LRRC7: variants seen among roughly 807,000 people sequenced by gnomAD.
LRRC7 encodes leucine-rich repeat-containing protein 7.
Under a neutral mutation model 175.7 loss-of-function variants are expected in LRRC7, and 23 were observed. The observed-to-expected ratio is 0.13, with a 90% CI of 0.09 to 0.19. The LOEUF (loss-of-function observed/expected upper bound fraction) is 0.19, where lower values mean the gene tolerates loss of function less well. Ranked by LOEUF, LRRC7 falls within the 10% of genes least tolerant of loss-of-function variation. The pLI is 1.00. For synonymous variants in LRRC7, 685 were observed against 680.9 expected, an observed-to-expected ratio of 1.01 and a Z score of -0.09; for missense variants, 1,354 against 1,904.7, an observed-to-expected ratio of 0.71 and a Z score of 5.38.
chr1:69,716,970 A>T (rs1665425542), intron 2 of LRRC7, among the ~76,000 whole-genome samples: 1 of 151,778 alleles, frequency 6.6e-6, no homozygotes, highest in Non-Finnish European at 1.5e-5. Flanking sequence ...AGCTAAAAGG[A>T]TTTTAGAAAG....
In LRRC7 at chr1:70,135,271, G is replaced by A. The variant is rs896590442; in HGVS notation, c.*13384G>A. 6.6e-6 allele frequency among the ~76,000 whole-genome samples: 1 copy of A among 152,106 alleles called. No homozygotes were observed. The highest frequency in any genetic ancestry group is 1.5e-5 in the Non-Finnish European group (1 of 68,024). On this transcript the variant is annotated 3_prime_UTR_variant, in exon 27 of 27. Transcript: ENST00000651989. The stretch of plus-strand genomic sequence containing the variant: ...TCCAGCCACTAGCATAGTTCCCCAG[G>A]AGCAGGCTATGATCATCTCCTCAAA...
intron 7 of LRRC7, among the ~76,000 whole-genome samples, chr1:69,890,974 A>T (rs1645815781): frequency 6.6e-6 from 1 of 152,198 alleles, no homozygotes; most frequent in Non-Finnish European, 1.5e-5. Flanking sequence ...GGCTGGTTTG[A>T]TCTTCTGTCC....
chr1:69,681,218 G>A (rs534610762), intron 2 of LRRC7, among the ~76,000 whole-genome samples: 76 of 132,232 alleles, frequency 5.7e-4, no homozygotes, highest in African/African-American at 2.0e-3. Flanking sequence ...TACAGATTCA[G>A]TATAGATCTA....
At position 70,075,513 on chromosome 1, in the gene LRRC7, GTT is replaced by G. The variant is rs537741695; in HGVS notation, c.4231-563_4231-562del. Among the ~76,000 whole-genome samples the G allele has an allele frequency of 3.5e-3, 536 of 152,292 alleles. 7 individuals are homozygous for G. Among genetic ancestry groups the G allele is most frequent in the African/African-American group, 0.012 (517 of 41,546 alleles). ...GCAGAGAGAGCTCATTTCGAAGACG[GTT>G]CCATAGCTAGTGCCCCCACAGGAAT... On this transcript the variant is annotated intron_variant, in intron 23 of 26. Coordinates refer to ENST00000651989, the MANE Select transcript of LRRC7 (RefSeq NM_001370785.2).
At chr1:70,057,346 CA>C (rs1211626409) in intron 23 of LRRC7, among the ~76,000 whole-genome samples, 3 of 152,122 alleles carry the variant, frequency 2.0e-5, no homozygotes, top group Non-Finnish European at 4.4e-5. Context: ...GCCTGGGCTG[CA>C]AAATTTACTG....
intron 3 of LRRC7, among the ~76,000 whole-genome samples, chr1:69,770,331 T>C (rs531046550): frequency 6.6e-6 from 1 of 152,232 alleles, no homozygotes; most frequent in African/African-American, 2.4e-5. Flanking sequence ...TAAGATGTAT[T>C]AGTTCAAGGC....
chr1:70,053,275 C>A, intron 23 of LRRC7, 130 bp downstream of exon 23: 1 of 823,862 alleles, frequency 1.2e-6, no homozygotes, highest in African/African-American at 1.8e-5. Flanking sequence ...TATGCTACTA[C>A]ACGAGTTTGG....
At chr1:69,776,944 A>G (rs1672881015) in intron 3 of LRRC7, among the ~76,000 whole-genome samples, 1 of 151,756 alleles carries the variant, frequency 6.6e-6, no homozygotes, top group South Asian at 2.1e-4. Context: ...CTATTTTTTG[A>G]GATTCTTTAT....
At chr1:70,077,809 G>GA (rs991360816) in intron 24 of LRRC7, among the ~76,000 whole-genome samples, 11 of 152,170 alleles carry the variant, frequency 7.2e-5, no homozygotes, top group African/African-American at 2.2e-4. Flanking sequence ...GATTATTTCA[G>GA]AAAAAATGTA....
intron 3 of LRRC7, among the ~76,000 whole-genome samples, chr1:69,764,717 G>GTAGA (rs1206748189): frequency 8.2e-5 from 10 of 122,406 alleles, no homozygotes; most frequent in African/African-American, 1.9e-4. Context: ...AGATAGGTAG[G>GTAGA]TAGATAGATA....
At chr1:69,666,889 A>T (rs1658348809) in intron 1 of LRRC7, among the ~76,000 whole-genome samples, 1 of 151,964 alleles carries the variant, frequency 6.6e-6, no homozygotes. Context: ...GTTCTTCAAG[A>T]TGCATCATTA....
In LRRC7 at chr1:70,038,229, T is replaced by A; in HGVS notation, c.2405T>A (p.Phe802Tyr). ...RPDRLPMSDTFTDNWTDGSHY... is the reference protein window; with the variant it reads ...RPDRLPMSDTYTDNWTDGSHY... ...GACCGGCTGCCCATGAGTGATACTT[T>A]CACTGACAACTGGACTGATGGCTCG... The change falls in exon 21 of 27, where the codon TTC becomes TAC. Residue 802 changes from phenylalanine to tyrosine, a missense_variant. This residue lies in a region of LRRC7 where 1,032 missense variants were observed against 1,227.2 expected (regional missense o/e 0.84). Coordinates refer to ENST00000651989, the MANE Select transcript of LRRC7 (RefSeq NM_001370785.2). 2 of 1,614,152 alleles carry A rather than the reference T, an allele frequency of 1.2e-6. No individual in the cohort carries two copies. Among genetic ancestry groups the A allele is most frequent in the Non-Finnish European group, 1.7e-6 (2 of 1,180,012 alleles).
At chr1:69,919,519 G>T in intron 7 of LRRC7, 1 of 825,284 alleles carries the variant, frequency 1.2e-6, no homozygotes. Context: ...GCCCGCCAGG[G>T]TCCGCCGCTC....
Position 70,126,184 on chromosome 1 carries a change from A to T in LRRC7, c.*4297A>T, listed in dbSNP as rs115584453. 3.0e-3 allele frequency among the ~76,000 whole-genome samples: 464 copies of T among 152,290 alleles called. 1 individual carries two copies. Among genetic ancestry groups the T allele is most frequent in the African/African-American group, 0.01 (417 of 41,554 alleles). On this transcript the variant is annotated 3_prime_UTR_variant, in exon 27 of 27. Coordinates refer to ENST00000651989, the MANE Select transcript of LRRC7 (RefSeq NM_001370785.2). ...ACAACATAACCAGGTCAAAAGCCAT[A>T]CTGAAATAGGACTACCACTCAAAGT...
chr1:69,859,335 A>G (rs920569935), intron 7 of LRRC7, among the ~76,000 whole-genome samples: 17 of 152,162 alleles, frequency 1.1e-4, no homozygotes, highest in Admixed American at 2.0e-4. Context: ...AAGTACATGC[A>G]TCATGATTCC....
At chr1:69,844,485 T>C (rs1322207422) in intron 7 of LRRC7, among the ~76,000 whole-genome samples, 1 of 152,170 alleles carries the variant, frequency 6.6e-6, no homozygotes, top group Non-Finnish European at 1.5e-5. Flanking sequence ...CTTAGCAGAT[T>C]CACCCATGTT....
chr1:69,934,605 A>AAAAT (rs1647790325), intron 8 of LRRC7, among the ~76,000 whole-genome samples: 1 of 152,052 alleles, frequency 6.6e-6, no homozygotes, highest in Admixed American at 6.6e-5. Flanking sequence ...AAAAAGTGAA[A>AAAAT]AAATGAGAGT....
intron 18 of LRRC7, chr1:70,030,997 C>T (rs1358162087): frequency 1.3e-5 from 2 of 152,196 alleles, no homozygotes; most frequent in Non-Finnish European, 2.9e-5. Flanking sequence ...GCTAGCACTT[C>T]CTCATCCTTC....
At chr1:70,010,270 T>TA (rs776700632) in intron 11 of LRRC7, among the ~76,000 whole-genome samples, 196 of 152,204 alleles carry the variant, frequency 1.3e-3, no homozygotes, top group Non-Finnish European at 2.5e-3. Flanking sequence ...AGTTTTAACA[T>TA]AAAAAAGGAT....
Sources: allele counts gnomAD v4.1 joint callset (sites outside exome capture counted in the v4.1 genomes callset), GRCh38; gene constraint gnomAD v4.1.1; regional missense constraint gnomAD v4.1.1; transcripts MANE v1.5; gene names NCBI Gene and HGNC (gene_info 2026-07-23, HGNC 2026-07-21).